RTTN: variants seen among roughly 807,000 people sequenced by gnomAD.
RTTN encodes the protein rotatin.
RTTN carries 182 observed loss-of-function variants against 269.2 expected under a neutral mutation model. That is an observed-to-expected ratio of 0.68 (90% CI 0.60 to 0.76). RTTN has a LOEUF of 0.76. Ranked by LOEUF, RTTN falls within the 30% of genes least tolerant of loss-of-function variation. The pLI is 0.00. For missense variants in RTTN, 2,545 were observed against 2,608.6 expected, an observed-to-expected ratio of 0.98 and a Z score of 0.53; for synonymous variants, 1,006 against 963.5, an observed-to-expected ratio of 1.04 and a Z score of -0.82.
At chr18:70,190,773 T>C (rs2061652404) in intron 8 of RTTN, 54 bp from the exon 9 acceptor site, 4 of 1,276,122 alleles carry the variant, frequency 3.1e-6, no homozygotes, top group Admixed American at 1.7e-5. Context: ...CCCAAACAGA[T>C]TTACTGCATA....
intron 11 of RTTN, among the ~76,000 whole-genome samples, chr18:70,172,964 C>G (rs1025068119): frequency 6.6e-6 from 1 of 152,108 alleles, no homozygotes. Context: ...AAATTCAATT[C>G]CTTTCTTAAG....
At chr18:70,070,378 C>G (rs965876349) in intron 34 of RTTN, among the ~76,000 whole-genome samples, 1 of 152,214 alleles carries the variant, frequency 6.6e-6, no homozygotes, top group Non-Finnish European at 1.5e-5. Flanking sequence ...ACTACCACCT[C>G]CTCAAGTTTT....
chr18:70,114,479 T>C lies in RTTN; in HGVS notation c.3649A>G (p.Thr1217Ala). ...ACTTCCATGAAATTGAGCAGCAAGG[T>C]ATCAAAAAGAGCAATCAGTTCTTTC... ...LQKELIALFD[T>A]LLLNFMEVTD... Residue 1217 changes from threonine to alanine, a missense_variant, in exon 27 of 49, where the codon ACC (threonine) becomes GCC (alanine). Coordinates refer to ENST00000640769, the MANE Select transcript of RTTN (RefSeq NM_173630.4). 1 of 1,613,354 alleles carries C rather than the reference T, an allele frequency of 6.2e-7. No individual in the cohort carries two copies. The highest frequency in any genetic ancestry group is 8.5e-7 in the Non-Finnish European group (1 of 1,179,484).
rs541819848 is a variant in RTTN at position 70,182,503 on chromosome 18, G to C, written c.1305+5605C>G. ...AAGGCAGCAAAAGGGAAGGGAGGAAGGGAGAGGGGAAGGAAGAAAGGGAGA... is the reference window on the plus strand; with the variant it reads ...AAGGCAGCAAAAGGGAAGGGAGGAACGGAGAGGGGAAGGAAGAAAGGGAGA... On this transcript the variant is annotated intron_variant, in intron 10 of 48. Transcript: ENST00000640769. Among the ~76,000 whole-genome samples the C allele has an allele frequency of 8.5e-5, 13 of 152,178 alleles. No individual in the cohort carries two copies. The East Asian group carries it at 2.5e-3, about 29-fold the overall frequency.
At chr18:70,136,261 A>G (rs2060121520) in intron 21 of RTTN, among the ~76,000 whole-genome samples, 1 of 152,128 alleles carries the variant, frequency 6.6e-6, no homozygotes, top group Non-Finnish European at 1.5e-5. Flanking sequence ...TTCAAATTTA[A>G]TTTTTTTAAA....
Position 70,166,290 on chromosome 18 carries a change from C to T in RTTN, c.1803-102G>A, listed in dbSNP as rs116745188. On this transcript the variant is annotated intron_variant, in intron 13 of 48. Coordinates refer to ENST00000640769, the MANE Select transcript of RTTN (RefSeq NM_173630.4). ...GGGATTTCTTCCTACTCCAACTCCTCAAACTGAGATCTTATTAAAAATAAC... is the reference window on the plus strand; with the variant it reads ...GGGATTTCTTCCTACTCCAACTCCTTAAACTGAGATCTTATTAAAAATAAC... 143 of 1,119,816 alleles carry T rather than the reference C, an allele frequency of 1.3e-4. No individual in the cohort carries two copies. In the African/African-American group the frequency reaches 2.0e-3, roughly 15 times the overall value. 69.4% of individuals were successfully genotyped at this position (1,119,816 alleles called of 1,614,324 possible). A position where few individuals can be genotyped will look rare whatever the true frequency, so the allele number is the denominator to read the frequency against.
rs143114816 is a variant in RTTN at position 70,055,318 on chromosome 18, TACACACAC to T, written c.5032-1042_5032-1035del. ...CTCTCTCTCTGTACACACACACACATACACACACACACACACACTTTTTTTCCTCTCAC... is the reference window on the plus strand; with the variant it reads ...CTCTCTCTCTGTACACACACACACATACACACACACTTTTTTTCCTCTCAC... On this transcript the variant is annotated intron_variant, in intron 37 of 48. Coordinates refer to ENST00000640769, the MANE Select transcript of RTTN (RefSeq NM_173630.4). 2.9e-3 allele frequency among the ~76,000 whole-genome samples: 440 copies of T among 150,004 alleles called. 1 individual carries two copies. Among genetic ancestry groups the T allele is most frequent in the African/African-American group, 1.0e-2 (408 of 40,986 alleles).
chr18:70,129,604 T>C (rs772155787), intron 23 of RTTN: 1 of 147,158 alleles, frequency 6.8e-6, no homozygotes, highest in African/African-American at 2.5e-5. Context: ...TCTCTATCTC[T>C]CGCCACATAT....
chr18:70,034,288 T>C (rs944314364), intron 40 of RTTN, among the ~76,000 whole-genome samples: 2 of 152,074 alleles, frequency 1.3e-5, no homozygotes, highest in African/African-American at 4.8e-5. Context: ...TGAACAGCAA[T>C]GCAAAAACCC....
At chr18:70,179,876 T>C (rs1203613763) in intron 10 of RTTN, among the ~76,000 whole-genome samples, 2 of 152,092 alleles carry the variant, frequency 1.3e-5, no homozygotes, top group Non-Finnish European at 2.9e-5. Flanking sequence ...ACAAGGCACT[T>C]CTCTGATTAA....
intron 40 of RTTN, among the ~76,000 whole-genome samples, chr18:70,044,780 A>G (rs1216003808): frequency 2.0e-5 from 3 of 152,188 alleles, no homozygotes; most frequent in Non-Finnish European, 4.4e-5. Context: ...CATATGCAGC[A>G]TGGGTAAGCT....
rs184200643 is a variant in RTTN at position 70,081,608 on chromosome 18, T to C, written c.4374+5005A>G. Among the ~76,000 whole-genome samples the C allele has an allele frequency of 1.4e-3, 212 of 152,196 alleles. 1 individual carries two copies. Among genetic ancestry groups the C allele is most frequent in the African/African-American group, 4.7e-3 (196 of 41,530 alleles). ...ATCTAAACCTGGGGAAAAGGACAAA[T>C]CTAATTGAAGTATATTACAACAAAT... On this transcript the variant is annotated intron_variant, in intron 32 of 48. Coordinates refer to ENST00000640769, the MANE Select transcript of RTTN (RefSeq NM_173630.4).
At chr18:70,076,569 C>T (rs1457405129) in intron 32 of RTTN, among the ~76,000 whole-genome samples, 1 of 152,022 alleles carries the variant, frequency 6.6e-6, no homozygotes, top group African/African-American at 2.4e-5. Flanking sequence ...CATTTATATA[C>T]ATCATTATAA....
intron 40 of RTTN, among the ~76,000 whole-genome samples, chr18:70,041,945 T>C (rs911303906): frequency 6.6e-6 from 1 of 152,028 alleles, no homozygotes; most frequent in Non-Finnish European, 1.5e-5. Flanking sequence ...ATTGGTCCCC[T>C]TGGACAGCAA....
intron 3 of RTTN, among the ~76,000 whole-genome samples, chr18:70,202,429 T>C (rs1248915945): frequency 6.6e-6 from 1 of 152,218 alleles, no homozygotes; most frequent in Non-Finnish European, 1.5e-5. Flanking sequence ...TAACATGCGA[T>C]TATATGTTCA....
At chr18:70,041,286 G>C (rs967948571) in intron 40 of RTTN, among the ~76,000 whole-genome samples, 1 of 151,848 alleles carries the variant, frequency 6.6e-6, no homozygotes, top group African/African-American at 2.4e-5. Flanking sequence ...GAGCAGGGTT[G>C]GGTCGGAGTT....
At chr18:70,205,592 G>A (rs756144154) in intron 1 of RTTN, 36 bp downstream of exon 1, 3 of 1,613,588 alleles carry the variant, frequency 1.9e-6, no homozygotes, top group African/African-American at 1.3e-5. Flanking sequence ...CCAGAGCGCG[G>A]GGGGTGCCTT....
chr18:70,159,556 G>C (rs936465117), intron 14 of RTTN, among the ~76,000 whole-genome samples: 1 of 152,022 alleles, frequency 6.6e-6, no homozygotes, highest in Non-Finnish European at 1.5e-5. Flanking sequence ...AAACCAACCT[G>C]AAAGCTAGCA....
intron 24 of RTTN, 200 bp downstream of exon 24, chr18:70,128,158 A>T: frequency 3.8e-6 from 2 of 522,448 alleles, no homozygotes; most frequent in Admixed American, 6.6e-5. Context: ...TTTTTCATTT[A>T]AAGTTTTCCC....
Sources: gnomAD v4.1 joint callset for allele counts (sites outside exome capture counted in the v4.1 genomes callset) on GRCh38, gnomAD v4.1.1 for gene constraint, MANE v1.5 for transcripts, NCBI Gene and HGNC (gene_info 2026-07-23, HGNC 2026-07-21) for gene names.